Variants in DROSHA observed in about 807,000 individuals in gnomAD.
The protein encoded by DROSHA is drosha ribonuclease III.
DROSHA carries 56 observed loss-of-function variants against 181.9 expected under a neutral mutation model. The ratio of observed to expected loss-of-function variants is 0.31; its 90% CI spans 0.25 to 0.38. The LOEUF is 0.38. DROSHA is among the 10% of genes least tolerant of loss of function. The pLI, the probability that DROSHA is intolerant of heterozygous loss-of-function variation, is 1.00. For synonymous variants in DROSHA, 524 were observed against 591.2 expected (o/e 0.89, Z 1.65); for missense variants, 1,218 against 1,743.5 (o/e 0.70, Z 5.37).
intron 20 of DROSHA, among the ~76,000 whole-genome samples, chr5:31,462,026 A>T (rs1748463900): frequency 6.6e-6 from 1 of 152,130 alleles, no homozygotes; most frequent in African/African-American, 2.4e-5. Flanking sequence ...ATTTCACCAA[A>T]GTACAGGGTT....
intron 16 of DROSHA, 103 bp from the exon 17 acceptor site, chr5:31,472,335 AG>A (rs1245714923): frequency 1.2e-5 from 16 of 1,312,746 alleles, no homozygotes; most frequent in Non-Finnish European, 1.6e-5. Context: ...TGGAGGAAAA[AG>A]AGCACATACA....
chr5:31,511,087 T>G lies in DROSHA; in HGVS notation c.1380A>C (p.Lys460Asn). 1 of 1,613,954 alleles carries G rather than the reference T, an allele frequency of 6.2e-7. No homozygotes were observed. The highest frequency in any genetic ancestry group is 8.5e-7 in the Non-Finnish European group (1 of 1,179,868). The change falls in exon 9 of 36, where the codon AAA becomes AAC. Residue 460 changes from lysine (K) to asparagine (N), a missense_variant. Around this residue, in one of 8 missense-constraint regions of DROSHA, gnomAD observed 460 missense variants for 774.2 expected, o/e 0.59. Transcript: ENST00000344624. ...GAGGTTCCCACGGAGGCCGAGCAGC[T>G]TTGGCCTTTTCTTGCCTGCTCCCCA... is the stretch of plus-strand genomic sequence containing the variant. ...EELGSRQEKA[K>N]AARPPWEPPK...
intron 20 of DROSHA, among the ~76,000 whole-genome samples, chr5:31,453,088 G>A (rs1450642755): frequency 6.6e-6 from 1 of 152,208 alleles, no homozygotes; most frequent in South Asian, 2.1e-4. Context: ...CCTTTCTAAA[G>A]CATGAACTCA....
At chr5:31,429,984 G>C (rs1028048821) in intron 26 of DROSHA, among the ~76,000 whole-genome samples, 2 of 152,190 alleles carry the variant, frequency 1.3e-5, no homozygotes, top group African/African-American at 4.8e-5. Context: ...ATCAATGAAG[G>C]CATCTGCAAA....
At chr5:31,431,494 A>G (rs2150002166) in intron 26 of DROSHA, 82 bp downstream of exon 26, 1 of 1,424,106 alleles carries the variant, frequency 7.0e-7, no homozygotes, top group Non-Finnish European at 9.8e-7. Flanking sequence ...TTCTGTCCCA[A>G]GTTTCCACAC....
At chr5:31,402,663 T>C (rs1740156927) in intron 35 of DROSHA, among the ~76,000 whole-genome samples, 2 of 152,286 alleles carry the variant, frequency 1.3e-5, no homozygotes, top group South Asian at 4.1e-4. Flanking sequence ...AATTCTTTTT[T>C]CCCTCTTAAT....
intron 16 of DROSHA, among the ~76,000 whole-genome samples, chr5:31,482,354 C>A (rs1279755113): frequency 6.6e-6 from 1 of 151,996 alleles, no homozygotes; most frequent in Non-Finnish European, 1.5e-5. Context: ...GGGTAAACAT[C>A]AGAGCACAGG....
intron 20 of DROSHA, among the ~76,000 whole-genome samples, chr5:31,462,370 G>A (rs1020029233): frequency 1.3e-5 from 2 of 152,116 alleles, no homozygotes; most frequent in African/African-American, 4.8e-5. Flanking sequence ...ACAGAGGGAG[G>A]AACGGTTATT....
intron 11 of DROSHA, among the ~76,000 whole-genome samples, chr5:31,497,632 G>T (rs1753149953): frequency 6.6e-6 from 1 of 152,248 alleles, no homozygotes; most frequent in African/African-American, 2.4e-5. Flanking sequence ...AGTCCATAGG[G>T]CTCACCCAGT....
chr5:31,409,064 A>G lies in DROSHA; in HGVS notation c.3846T>C (p.Pro1282=). The change falls in exon 33 of 36, where the codon CCT becomes CCC. Residue 1282 remains proline, a synonymous_variant. Transcript: ENST00000344624. The surrounding 1 kb of genome is among the most constrained non-coding windows in gnomAD (Gnocchi z 4.0). ...LRTEGKEPDI[P]LYKTLQTVGP... is the part of the protein sequence containing the mutation. ...AGGCAACAAGTACTTACTTGTACAG[A>G]GGAATGTCTGGCTCTTTTCCTTCTG... 1 of 1,613,786 alleles carries G rather than the reference A, an allele frequency of 6.2e-7. No individual in the cohort carries two copies. The highest frequency in any genetic ancestry group is 2.2e-5 in the East Asian group (1 of 44,862).
In DROSHA at chr5:31,483,591, T is replaced by C; in HGVS notation, c.2034A>G (p.Arg678=). Residue 678 remains arginine, a synonymous_variant, in exon 16 of 36, where the codon AGA becomes AGG. Transcript: ENST00000344624. ...LFEDSPPCCP[R]FHFMPRFVRF... is the part of the protein sequence containing the mutation. ...TTACAAAACGTGGCATGAAATGAAA[T>C]CTTGGGCAGCAGGGAGGGCTGTCTT... The C allele has an allele frequency of 6.2e-7, 1 of 1,609,274 alleles. No individual in the cohort carries two copies. The highest frequency in any genetic ancestry group is 8.5e-7 in the Non-Finnish European group (1 of 1,179,224).
chr5:31,439,451 T>A (rs1745288465), intron 23 of DROSHA, among the ~76,000 whole-genome samples: 1 of 152,216 alleles, frequency 6.6e-6, no homozygotes, highest in Admixed American at 6.5e-5. Context: ...AGAGTCATGA[T>A]GCTGGCATAC....
In DROSHA at chr5:31,514,296, A is replaced by T. The variant is rs1739038617; in HGVS notation, c.1290+692T>A. On this transcript the variant is annotated intron_variant, in intron 8 of 35. Transcript: ENST00000344624. The surrounding 1 kb of genome is among the most constrained non-coding windows in gnomAD (Gnocchi z 4.4). ...ACACTACAAACTGCATAAACTAGTT[A>T]CATGTGAAAGCTTATGAAACCACCA... 6.6e-6 allele frequency among the ~76,000 whole-genome samples: 1 copy of T among 152,062 alleles called. No homozygotes were observed. The highest frequency in any genetic ancestry group is 2.1e-4 in the South Asian group (1 of 4,820).
intron 30 of DROSHA, among the ~76,000 whole-genome samples, chr5:31,416,609 A>G (rs1018946057): frequency 3.3e-5 from 5 of 152,170 alleles, no homozygotes; most frequent in African/African-American, 1.2e-4. Flanking sequence ...CATCTAAAGG[A>G]AGAGTAGAAG....
At chr5:31,508,856 C>T in intron 9 of DROSHA, 81 bp from the exon 10 acceptor site, 1 of 1,465,278 alleles carries the variant, frequency 6.8e-7, no homozygotes, top group African/African-American at 1.4e-5. Context: ...TGGAGTCTCG[C>T]TCTGTCACCC....
rs528051098 is a variant in DROSHA, at chr5:31,525,757, G to A, written c.854+322C>T. ...TCACATTGAACATAATTTAATCTAT[G>A]ATAACACAAAAAATACAAGATCTTT... On this transcript the variant is annotated intron_variant, in intron 5 of 35. Coordinates refer to ENST00000344624, the MANE Select transcript of DROSHA (RefSeq NM_001382508.1). Among the ~76,000 whole-genome samples the A allele has an allele frequency of 2.8e-4, 42 of 152,000 alleles. 1 individual carries two copies. In the South Asian group the frequency reaches 7.3e-3, roughly 26 times the overall value.
At position 31,486,261 on chromosome 5, in the gene DROSHA, G is replaced by A. The variant is rs115640931; in HGVS notation, c.1914+230C>T. On this transcript the variant is annotated intron_variant, in intron 14 of 35. Transcript: ENST00000344624. The stretch of plus-strand genomic sequence containing the variant: ...AGATGTAAAGTTAATATCAGCAGAC[G>A]TAACACAAGGAGAAAGGGGTATAAA... Among the ~76,000 whole-genome samples, 1,063 of 152,200 alleles carry A rather than the reference G, an allele frequency of 7.0e-3. 12 individuals are homozygous for A. Among genetic ancestry groups the A allele is most frequent in the African/African-American group, 0.024 (997 of 41,528 alleles).
intron 11 of DROSHA, among the ~76,000 whole-genome samples, chr5:31,496,455 C>A (rs11955730): frequency 0.042 from 6,358 of 152,200 alleles, 445 homozygotes; most frequent in African/African-American, 0.15. Flanking sequence ...AAACCATAAA[C>A]ATCTGGCTGC....
In DROSHA at chr5:31,401,524, C is replaced by T. The variant is rs1322275663; in HGVS notation, c.4033G>A (p.Glu1345Lys). 4.4e-6 allele frequency: 7 copies of T among 1,603,806 alleles called. No individual in the cohort carries two copies. The highest frequency in any genetic ancestry group is 5.1e-6 in the Non-Finnish European group (6 of 1,174,938). The change falls in exon 36 of 36, where the codon GAA (glutamate) becomes AAA (lysine). Residue 1345 changes from glutamate to lysine, a missense_variant. Glu to Lys is a moderately conservative substitution (Grantham distance 56, BLOSUM62 1). Transcript: ENST00000344624. ...TTTAACTCTTGTCTGTACTTCCGTT[C>T]GATGAACCGCTTCTGATGGGCCATC... ...PQMAHQKRFI[E>K]RKYRQELKEM...
Sources: allele counts gnomAD v4.1 joint callset (sites outside exome capture counted in the v4.1 genomes callset), GRCh38; gene constraint gnomAD v4.1.1; regional missense constraint gnomAD v4.1.1; non-coding constraint Gnocchi (gnomAD v3.1); transcripts MANE v1.5; gene names NCBI Gene and HGNC (gene_info 2026-07-23, HGNC 2026-07-21).